DPF3: variants seen among roughly 807,000 people sequenced by gnomAD.
DPF3 encodes zinc finger protein DPF3.
Under a neutral mutation model 56.8 loss-of-function variants are expected in DPF3, and 18 were observed. The ratio of observed to expected loss-of-function variants is 0.32; its 90% CI spans 0.22 to 0.47. The LOEUF (loss-of-function observed/expected upper bound fraction) is 0.47. Among genes scored for constraint, DPF3 ranks in the 20% least tolerant of loss-of-function variants. The probability of loss-of-function intolerance (pLI) is 1.00; values close to 1 mark genes in which losing one functional copy is unlikely to be tolerated. For missense variants in DPF3, 403 were observed against 488.8 expected, an observed-to-expected ratio of 0.82 and a Z score of 1.65; for synonymous variants, 188 against 180.2, an observed-to-expected ratio of 1.04 and a Z score of -0.35.
intron 3 of DPF3, among the ~76,000 whole-genome samples, chr14:72,744,142 G>A (rs1890238231): frequency 6.6e-6 from 1 of 152,146 alleles, no homozygotes; most frequent in Admixed American, 6.5e-5. Context: ...TTTATTTTCA[G>A]CAAATAATAA....
At chr14:72,637,839 C>A (rs1885429336) in intron 8 of DPF3, among the ~76,000 whole-genome samples, 2 of 152,082 alleles carry the variant, frequency 1.3e-5, no homozygotes, top group Admixed American at 6.6e-5. Context: ...TTAAAATAGC[C>A]AGTAAGTCCT....
intron 7 of DPF3, among the ~76,000 whole-genome samples, chr14:72,688,937 A>C (rs963886476): frequency 1.3e-5 from 2 of 152,212 alleles, no homozygotes; most frequent in Non-Finnish European, 2.9e-5. Context: ...GCAGAGAGGC[A>C]AGGGCACACA....
At chr14:72,886,170 G>A (rs1289336579) in intron 1 of DPF3, among the ~76,000 whole-genome samples, 3 of 152,124 alleles carry the variant, frequency 2.0e-5, no homozygotes, top group Non-Finnish European at 2.9e-5. Context: ...TCAGGAGTTC[G>A]AGACGAGCCT....
intron 1 of DPF3, chr14:72,892,479 T>C (rs1006210944): frequency 3.2e-5 from 46 of 1,426,864 alleles, no homozygotes; most frequent in Non-Finnish European, 4.0e-5. Context: ...CATATAAATA[T>C]ATTTGAAACC....
chr14:72,846,627 C>T (rs992324614), intron 1 of DPF3, among the ~76,000 whole-genome samples: 7 of 135,444 alleles, frequency 5.2e-5, no homozygotes, highest in South Asian at 2.6e-4. Flanking sequence ...TGAGCCACCA[C>T]GCCCAGCCTA....
chr14:72,869,363 T>C (rs1460938129), intron 1 of DPF3, among the ~76,000 whole-genome samples: 3 of 152,220 alleles, frequency 2.0e-5, no homozygotes, highest in Non-Finnish European at 4.4e-5. Context: ...CACCATCATG[T>C]ACCCAGGGTC....
intron 6 of DPF3, among the ~76,000 whole-genome samples, chr14:72,706,932 C>T (rs1158439900): frequency 6.6e-6 from 1 of 151,914 alleles, no homozygotes; most frequent in East Asian, 1.9e-4. Context: ...CCCATTAACT[C>T]GTCATTTAGC....
chr14:72,643,993 C>T (rs1202447878), intron 8 of DPF3, among the ~76,000 whole-genome samples: 1 of 152,106 alleles, frequency 6.6e-6, no homozygotes, highest in African/African-American at 2.4e-5. Context: ...CTCCACCTCC[C>T]GATTTCCCCA....
intron 7 of DPF3, among the ~76,000 whole-genome samples, chr14:72,683,368 C>T (rs965604883): frequency 6.7e-6 from 1 of 148,416 alleles, no homozygotes; most frequent in African/African-American, 2.5e-5. Flanking sequence ...GCCTGAATTG[C>T]TGAATCAGAA....
At chr14:72,784,740 C>T (rs1892139299) in intron 1 of DPF3, among the ~76,000 whole-genome samples, 1 of 152,084 alleles carries the variant, frequency 6.6e-6, no homozygotes, top group African/African-American at 2.4e-5. Context: ...GGGAAGACTG[C>T]TTGAGACCAG....
intron 8 of DPF3, among the ~76,000 whole-genome samples, chr14:72,657,070 T>G (rs1886081224): frequency 6.6e-6 from 1 of 152,222 alleles, no homozygotes; most frequent in Non-Finnish European, 1.5e-5. Flanking sequence ...GTTGGGAAAG[T>G]GTGATTCTGA....
At chr14:72,879,738 G>A (rs796077129) in intron 1 of DPF3, 1 of 1,474,766 alleles carries the variant, frequency 6.8e-7, no homozygotes. Context: ...GTCTCTCTGG[G>A]CAGGGACACA....
At chr14:72,628,058 A>C (rs1007661365) in intron 9 of DPF3, among the ~76,000 whole-genome samples, 1 of 152,102 alleles carries the variant, frequency 6.6e-6, no homozygotes, top group Non-Finnish European at 1.5e-5. Context: ...TAATACAAAA[A>C]TAGAGTTTTA....
intron 1 of DPF3, among the ~76,000 whole-genome samples, chr14:72,839,599 C>T (rs1211384218): frequency 6.6e-6 from 1 of 152,192 alleles, no homozygotes; most frequent in Non-Finnish European, 1.5e-5. Context: ...TCTCACAAGC[C>T]CGTCTGCCTT....
chr14:72,720,064 C>T (rs1179136766), intron 5 of DPF3, among the ~76,000 whole-genome samples: 1 of 151,622 alleles, frequency 6.6e-6, no homozygotes, highest in Non-Finnish European at 1.5e-5. Flanking sequence ...TAATGAGCTC[C>T]CAGATGATAT....
At chr14:72,887,830 G>A (rs1444673691) in intron 1 of DPF3, among the ~76,000 whole-genome samples, 1 of 152,174 alleles carries the variant, frequency 6.6e-6, no homozygotes, top group Non-Finnish European at 1.5e-5. Context: ...CCACTGGTGA[G>A]AAATGAACAT....
At chr14:72,701,092 A>C (rs1888139836) in intron 6 of DPF3, among the ~76,000 whole-genome samples, 1 of 152,238 alleles carries the variant, frequency 6.6e-6, no homozygotes, top group South Asian at 2.1e-4. Flanking sequence ...TGTCGTGCGG[A>C]ATCAGCCTGA....
At chr14:72,884,971 T>TATATATATATACATATATATATATA (rs10523148) in intron 1 of DPF3, among the ~76,000 whole-genome samples, 1 of 111,686 alleles carries the variant, frequency 9.0e-6, no homozygotes, top group Non-Finnish European at 1.9e-5. Flanking sequence ...TATATATATA[T>TATATATATATACATATATATATATA]TAGCCGGGCG....
intron 8 of DPF3, among the ~76,000 whole-genome samples, chr14:72,671,910 T>C (rs970902852): frequency 6.6e-6 from 1 of 152,208 alleles, no homozygotes. Flanking sequence ...TCATTTGCAC[T>C]GAAAGCAAAA....
Sources: gnomAD v4.1 joint callset for allele counts (sites outside exome capture counted in the v4.1 genomes callset) on GRCh38, gnomAD v4.1.1 for gene constraint, MANE v1.5 for transcripts, NCBI Gene and HGNC (gene_info 2026-07-23, HGNC 2026-07-21) for gene names.